Variants in CDH18 observed in about 807,000 individuals in gnomAD.
CDH18 encodes cadherin 18, also known as cadherin-18.
In CDH18, 31 loss-of-function variants were observed where a neutral mutation model predicts 67.9. The observed-to-expected ratio is 0.46, with a 90% confidence interval of 0.34 to 0.62. The LOEUF (loss-of-function observed/expected upper bound fraction) is 0.62. Ranked by LOEUF, CDH18 falls within the 20% of genes least tolerant of loss-of-function variation. The pLI is 0.01. For missense variants in CDH18, 890 were observed against 975.5 expected (o/e 0.91, Z 1.17); for synonymous variants, 362 against 347.2 (o/e 1.04, Z -0.48).
chr5:20,461,534 T>C (rs1270841666), intron 1 of CDH18, among the ~76,000 whole-genome samples: 1 of 152,090 alleles, frequency 6.6e-6, no homozygotes, highest in Non-Finnish European at 1.5e-5. Context: ...CTTTCGTGGT[T>C]TGTCTTTAAT....
chr5:19,743,849 AG>A (rs111734506), intron 4 of CDH18, among the ~76,000 whole-genome samples: 13 of 137,524 alleles, frequency 9.5e-5, no homozygotes, highest in African/African-American at 3.6e-4. Flanking sequence ...TGAACCTGGG[AG>A]GCAGAGGTTG....
At chr5:20,218,873 C>A in intron 2 of CDH18, among the ~76,000 whole-genome samples, 1 of 119,782 alleles carries the variant, frequency 8.3e-6, no homozygotes, top group East Asian at 2.6e-4. Context: ...TGGACTAATA[C>A]AGACGTACTA....
chr5:19,536,224 T>C (rs999760474), intron 9 of CDH18, among the ~76,000 whole-genome samples: 1 of 152,090 alleles, frequency 6.6e-6, no homozygotes, highest in African/African-American at 2.4e-5. Context: ...CAATAAGTGT[T>C]ATACTTAATG....
intron 2 of CDH18, among the ~76,000 whole-genome samples, chr5:19,884,572 TAA>T (rs1787995199): frequency 6.6e-6 from 1 of 151,878 alleles, no homozygotes; most frequent in Non-Finnish European, 1.5e-5. Context: ...TATTAAATTA[TAA>T]AAGATACATA....
chr5:19,959,200 A>C lies in CDH18; in HGVS notation c.-257+21860T>G, dbSNP rs943861746. The stretch of plus-strand genomic sequence containing the variant: ...GGAAACAGAGAGTCCTGAAAGCAGT[A>C]AATATTTTACTGGGCTTAATATTCA... On this transcript the variant is annotated intron_variant, in intron 2 of 12. Transcript: ENST00000382275. Among the ~76,000 whole-genome samples, 9 of 152,106 alleles carry C rather than the reference A, an allele frequency of 5.9e-5. 1 individual carries two copies. The highest frequency in any genetic ancestry group is 5.9e-4 in the Admixed American group (9 of 15,232).
chr5:20,427,561 T>C lies in CDH18; in HGVS notation c.-580+147901A>G, dbSNP rs1235666045. On this transcript the variant is annotated intron_variant, in intron 1 of 14. Coordinates refer to the CDH18 transcript ENST00000507958. Reference sequence around the variant, plus strand: ...TTTTAAAGGTCACACATATTCACTCTGTTTCTGCTTATACTTGGTGAATTT... The same window carrying C: ...TTTTAAAGGTCACACATATTCACTCCGTTTCTGCTTATACTTGGTGAATTT... Among the ~76,000 whole-genome samples, 3 of 151,270 alleles carry C rather than the reference T, an allele frequency of 2.0e-5. 1 individual carries two copies. Among genetic ancestry groups the C allele is most frequent in the Admixed American group, 1.3e-4 (2 of 15,248 alleles).
intron 1 of CDH18, among the ~76,000 whole-genome samples, chr5:20,492,775 T>C (rs1254764671): frequency 6.6e-6 from 1 of 152,220 alleles, no homozygotes; most frequent in East Asian, 1.9e-4. Flanking sequence ...TAAAATACAT[T>C]ATATATTTTT....
At chr5:19,970,582 T>C (rs1797928148) in intron 2 of CDH18, among the ~76,000 whole-genome samples, 3 of 151,654 alleles carry the variant, frequency 2.0e-5, no homozygotes, top group Admixed American at 2.0e-4. Context: ...TTACGTTTTC[T>C]TTTAAAAGGC....
At chr5:20,266,439 C>T (rs1415307332) in intron 1 of CDH18, among the ~76,000 whole-genome samples, 1 of 152,046 alleles carries the variant, frequency 6.6e-6, no homozygotes, top group Admixed American at 6.6e-5. Context: ...GGTCTCACTC[C>T]ATCGCCCAGG....
At chr5:19,748,044 C>T (rs1561215140) in intron 3 of CDH18, among the ~76,000 whole-genome samples, 1 of 134,632 alleles carries the variant, frequency 7.4e-6, no homozygotes, top group South Asian at 2.3e-4. Context: ...ACCTGGGAGG[C>T]GGAGCTTGCA....
intron 3 of CDH18, among the ~76,000 whole-genome samples, chr5:19,781,457 A>C (rs2149782973): frequency 6.6e-6 from 1 of 152,290 alleles, no homozygotes; most frequent in African/African-American, 2.4e-5. Context: ...TATAATCATA[A>C]CAAAAGAGAA....
chr5:19,858,485 T>C (rs193196639), intron 2 of CDH18, among the ~76,000 whole-genome samples: 4 of 152,292 alleles, frequency 2.6e-5, no homozygotes, highest in Admixed American at 2.6e-4. Context: ...GCCAATATAA[T>C]TGCAGATCAG....
chr5:20,240,097 G>C (rs1742781057), intron 2 of CDH18, among the ~76,000 whole-genome samples: 1 of 151,528 alleles, frequency 6.6e-6, no homozygotes, highest in African/African-American at 2.4e-5. Flanking sequence ...AACCAACACG[G>C]CACACGTATA....
chr5:20,372,218 A>T (rs536801921), intron 1 of CDH18, among the ~76,000 whole-genome samples: 49 of 152,324 alleles, frequency 3.2e-4, no homozygotes, highest in African/African-American at 1.2e-3. Flanking sequence ...CTATATTTTT[A>T]AATTGCTATA....
At chr5:20,407,515 T>C (rs192830578) in intron 1 of CDH18, among the ~76,000 whole-genome samples, 1 of 144,868 alleles carries the variant, frequency 6.9e-6, no homozygotes, top group Non-Finnish European at 1.5e-5. Context: ...AAAAAACTCG[T>C]AGAAGTTCTC....
At chr5:19,639,152 G>A (rs371036826) in intron 5 of CDH18, among the ~76,000 whole-genome samples, 89 of 151,828 alleles carry the variant, frequency 5.9e-4, no homozygotes, top group African/African-American at 1.9e-3. Flanking sequence ...ACAGGCACCC[G>A]CCACCATGCC....
intron 3 of CDH18, among the ~76,000 whole-genome samples, chr5:19,798,610 A>C (rs2149838394): frequency 6.6e-6 from 1 of 152,134 alleles, no homozygotes; most frequent in South Asian, 2.1e-4. Flanking sequence ...TTTAGAAAAA[A>C]ATCTCAAAAA....
At chr5:19,741,009 T>A (rs142012917) in intron 4 of CDH18, among the ~76,000 whole-genome samples, 7 of 152,070 alleles carry the variant, frequency 4.6e-5, no homozygotes, top group Admixed American at 1.3e-4. Flanking sequence ...TTAATCCAGG[T>A]TACATTTGCC....
chr5:20,429,253 C>A (rs1434714845), intron 1 of CDH18, among the ~76,000 whole-genome samples: 1 of 151,912 alleles, frequency 6.6e-6, no homozygotes, highest in Admixed American at 6.6e-5. Context: ...AAGGATTCAA[C>A]TGAAGGAGAT....
Sources: allele counts gnomAD v4.1 joint callset (sites outside exome capture counted in the v4.1 genomes callset), GRCh38; gene constraint gnomAD v4.1.1; transcripts MANE v1.5; gene names NCBI Gene and HGNC (gene_info 2026-07-23, HGNC 2026-07-21).